Variants in SFMBT1 observed in about 807,000 individuals in gnomAD.
The protein encoded by SFMBT1 is scm-like with four MBT domains protein 1.
SFMBT1 carries 32 observed loss-of-function variants against 108.7 expected under a neutral mutation model. The ratio of observed to expected loss-of-function variants is 0.29; its 90% CI spans 0.22 to 0.40. SFMBT1 has a LOEUF of 0.40. Among genes scored for constraint, SFMBT1 ranks in the 10% least tolerant of loss-of-function variants. The pLI is 1.00. For synonymous variants in SFMBT1, 348 were observed against 369.5 expected, an observed-to-expected ratio of 0.94 and a Z score of 0.67; for missense variants, 816 against 1,059.6, an observed-to-expected ratio of 0.77 and a Z score of 3.19.
chr3:52,966,069 G>A (rs1704131207), intron 2 of SFMBT1, among the ~76,000 whole-genome samples: 1 of 144,088 alleles, frequency 6.9e-6, no homozygotes, highest in Non-Finnish European at 1.5e-5. Flanking sequence ...TGTAATTCCA[G>A]CACTTTGGGA....
rs1035290322 is a variant in SFMBT1, at chr3:52,910,927, T to A, written c.1906+76A>T. The A allele has an allele frequency of 2.9e-6, 4 of 1,397,024 alleles. No individual in the cohort carries two copies. In the African/African-American group the frequency reaches 5.7e-5, roughly 20 times the overall value. The allele number at this position is 1,397,024 out of a possible 1,614,324, so 86.5% of individuals were successfully genotyped here. A position where few individuals can be genotyped will look rare whatever the true frequency, so the allele number is the denominator to read the frequency against. ...TGTGCCTCTGCTATATATGAATGTC[T>A]GTAAAGTAAAAAACTTTCCAAGATG... On this transcript the variant is annotated intron_variant, in intron 17 of 20. Coordinates refer to ENST00000394752, the MANE Select transcript of SFMBT1 (RefSeq NM_016329.4).
intron 1 of SFMBT1, among the ~76,000 whole-genome samples, chr3:53,012,717 T>C (rs1159193395): frequency 6.6e-6 from 1 of 151,662 alleles, no homozygotes; most frequent in Non-Finnish European, 1.5e-5. Flanking sequence ...CTCTTAATCC[T>C]TTGCTTATTT....
chr3:52,933,509 C>T (rs1221042364), intron 5 of SFMBT1, among the ~76,000 whole-genome samples: 1 of 151,766 alleles, frequency 6.6e-6, no homozygotes, highest in African/African-American at 2.4e-5. Flanking sequence ...CTTACATATC[C>T]AGATATGCAA....
intron 1 of SFMBT1, among the ~76,000 whole-genome samples, chr3:53,003,121 CAAAAAAAAAAAAA>C (rs397894876): frequency 1.6e-5 from 1 of 62,022 alleles, no homozygotes; most frequent in East Asian, 5.2e-4. Flanking sequence ...GACTCCATCA[CAAAAAAAAAAAAA>C]AAAAAAAAAA....
chr3:52,995,018 G>GA (rs1367013285), intron 1 of SFMBT1, among the ~76,000 whole-genome samples: 1 of 131,794 alleles, frequency 7.6e-6, no homozygotes, highest in African/African-American at 2.8e-5. Flanking sequence ...AAGAAAGAAA[G>GA]AAAGAAAAGA....
chr3:52,956,754 C>T (rs1294544186), intron 2 of SFMBT1, among the ~76,000 whole-genome samples: 1 of 152,044 alleles, frequency 6.6e-6, no homozygotes, highest in Non-Finnish European at 1.5e-5. Context: ...GAGCGAGATT[C>T]CATCTCAAAA....
chr3:52,980,881 G>A (rs1704686120), intron 1 of SFMBT1, among the ~76,000 whole-genome samples: 1 of 152,198 alleles, frequency 6.6e-6, no homozygotes, highest in African/African-American at 2.4e-5. Flanking sequence ...AGGTGAAGGA[G>A]TCCGGTCGCG....
At chr3:52,980,553 A>T (rs529243790) in intron 1 of SFMBT1, among the ~76,000 whole-genome samples, 1 of 152,204 alleles carries the variant, frequency 6.6e-6, no homozygotes, top group East Asian at 1.9e-4. Context: ...TGGTGACATT[A>T]TAAGAAAAAG....
At chr3:52,925,958 C>T (rs1702644734) in intron 10 of SFMBT1, 73 bp downstream of exon 10, 25 of 1,346,694 alleles carry the variant, frequency 1.9e-5, no homozygotes, top group Non-Finnish European at 2.2e-5. Context: ...AGAGCAATAA[C>T]ATGGAAAGCA....
chr3:52,993,634 A>G (rs1180727974), intron 1 of SFMBT1, among the ~76,000 whole-genome samples: 1 of 150,132 alleles, frequency 6.7e-6, no homozygotes, highest in Non-Finnish European at 1.5e-5. Context: ...GAAACACTAC[A>G]AAGTTACTGT....
At chr3:53,038,024 T>A (rs1575455176) in intron 1 of SFMBT1, among the ~76,000 whole-genome samples, 1 of 151,976 alleles carries the variant, frequency 6.6e-6, no homozygotes, top group East Asian at 1.9e-4. Context: ...GGTAGTAGAA[T>A]CACTTGAAAC....
intron 1 of SFMBT1, among the ~76,000 whole-genome samples, chr3:52,979,833 C>A (rs1704648599): frequency 6.6e-6 from 1 of 152,154 alleles, no homozygotes; most frequent in African/African-American, 2.4e-5. Context: ...TATTTTGAAA[C>A]CTGCCCTCAC....
chr3:53,002,528 T>G (rs1303430651), intron 1 of SFMBT1, among the ~76,000 whole-genome samples: 1 of 150,348 alleles, frequency 6.7e-6, no homozygotes, highest in Non-Finnish European at 1.5e-5. Context: ...TTAGGAGGTA[T>G]TCTCCTCAGT....
chr3:52,948,825 A>ATTTTTTTTTT (rs71615878), intron 3 of SFMBT1, among the ~76,000 whole-genome samples: 15,808 of 77,664 alleles, frequency 0.2, 2,838 homozygotes, highest in South Asian at 0.42. Context: ...CTAATTTTTA[A>ATTTTTTTTTT]TTTTTTTTTT....
At chr3:53,022,191 T>C (rs901283827) in intron 1 of SFMBT1, among the ~76,000 whole-genome samples, 1 of 152,168 alleles carries the variant, frequency 6.6e-6, no homozygotes, top group Non-Finnish European at 1.5e-5. Flanking sequence ...GGTTCACACC[T>C]GTAATCCCAG....
chr3:52,933,106 T>C (rs1333457798), intron 5 of SFMBT1, among the ~76,000 whole-genome samples: 1 of 152,212 alleles, frequency 6.6e-6, no homozygotes, highest in East Asian at 1.9e-4. Flanking sequence ...TGTCTGTTCC[T>C]ATTTTTTGAA....
At chr3:52,960,361 C>T (rs1703920018) in intron 2 of SFMBT1, among the ~76,000 whole-genome samples, 1 of 152,074 alleles carries the variant, frequency 6.6e-6, no homozygotes, top group Non-Finnish European at 1.5e-5. Flanking sequence ...TTATGTTTCA[C>T]TTCTTTTAAA....
intron 8 of SFMBT1, 145 bp from the exon 9 acceptor site, chr3:52,928,486 A>C (rs564532072): frequency 2.6e-6 from 2 of 756,212 alleles, no homozygotes; most frequent in South Asian, 4.0e-5. Flanking sequence ...TGTGTTATGT[A>C]ATACATATAA....
chr3:53,005,165 A>G lies in SFMBT1; in HGVS notation c.-130-35907T>C, dbSNP rs141026959. On this transcript the variant is annotated intron_variant, in intron 1 of 20. Coordinates refer to ENST00000394752, the MANE Select transcript of SFMBT1 (RefSeq NM_016329.4). ...AATGGGAAATATAAACACATGTTAC[A>G]TACAGTCCGTACACTTTGAGAGCAT... Among the ~76,000 whole-genome samples, 81 of 152,346 alleles carry G rather than the reference A, an allele frequency of 5.3e-4. No individual in the cohort carries two copies. In the East Asian group the frequency reaches 8.3e-3, roughly 16 times the overall value.
Sources: gnomAD v4.1 joint callset for allele counts (sites outside exome capture counted in the v4.1 genomes callset) on GRCh38, gnomAD v4.1.1 for gene constraint, MANE v1.5 for transcripts, NCBI Gene and HGNC (gene_info 2026-07-23, HGNC 2026-07-21) for gene names.